The following CPEB3 variants were observed in gnomAD, a reference collection of about 807,000 sequenced individuals.
The protein encoded by CPEB3 is cytoplasmic polyadenylation element-binding protein 3.
A neutral mutation model predicts 67.2 loss-of-function variants in CPEB3; 20 were observed. The observed-to-expected ratio is 0.30, with a 90% CI of 0.21 to 0.43. The LOEUF is 0.43. Ranked by LOEUF, CPEB3 falls within the 20% of genes least tolerant of loss-of-function variation. The pLI is 1.00. For synonymous variants in CPEB3, 376 were observed against 393.1 expected (o/e 0.96, Z 0.51); for missense variants, 746 against 968.6 (o/e 0.77, Z 3.05).
At chr10:92,059,061 T>C (rs1470223224) in intron 9 of CPEB3, among the ~76,000 whole-genome samples, 1 of 152,116 alleles carries the variant, frequency 6.6e-6, no homozygotes, top group African/African-American at 2.4e-5. Context: ...GCACAGTGGC[T>C]CATGCCTGTA....
At chr10:92,171,106 A>T (rs925120102) in intron 4 of CPEB3, among the ~76,000 whole-genome samples, 1 of 152,226 alleles carries the variant, frequency 6.6e-6, no homozygotes, top group African/African-American at 2.4e-5. Flanking sequence ...CTCTCTATCA[A>T]CAAGGCTCCT....
At chr10:92,267,406 G>T (rs1455951702) in intron 1 of CPEB3, among the ~76,000 whole-genome samples, 1 of 152,178 alleles carries the variant, frequency 6.6e-6, no homozygotes. Context: ...TGGAGCTAGA[G>T]GGTAAGTGGA....
intron 9 of CPEB3, among the ~76,000 whole-genome samples, chr10:92,063,768 A>G (rs1842448450): frequency 6.6e-6 from 1 of 151,988 alleles, no homozygotes. Flanking sequence ...GTATCCAAAA[A>G]AAAAAAAATC....
intron 2 of CPEB3, among the ~76,000 whole-genome samples, chr10:92,218,543 T>C (rs2134420419): frequency 6.6e-6 from 1 of 152,346 alleles, no homozygotes; most frequent in South Asian, 2.1e-4. Flanking sequence ...TGCATGGATA[T>C]ATGTGCATAT....
At chr10:92,175,290 T>C (rs1021266933) in intron 4 of CPEB3, among the ~76,000 whole-genome samples, 2 of 151,598 alleles carry the variant, frequency 1.3e-5, no homozygotes, top group Admixed American at 1.3e-4. Context: ...ATTTTGACAG[T>C]CATTTATGTT....
chr10:92,229,244 A>G (rs1851144716), intron 2 of CPEB3, among the ~76,000 whole-genome samples: 1 of 151,858 alleles, frequency 6.6e-6, no homozygotes, highest in African/African-American at 2.4e-5. Context: ...ATGTTGCCCA[A>G]GCTGGTTTCG....
At chr10:92,289,732 A>AAAAAAAATAT in intron 1 of CPEB3, among the ~76,000 whole-genome samples, 28 of 75,754 alleles carry the variant, frequency 3.7e-4, no homozygotes, top group Non-Finnish European at 5.6e-4. Flanking sequence ...AAAAAAAAAA[A>AAAAAAAATAT]ATATATATAT....
chr10:92,058,985 C>T (rs995319450), intron 9 of CPEB3, among the ~76,000 whole-genome samples: 11 of 152,210 alleles, frequency 7.2e-5, no homozygotes, highest in Admixed American at 2.6e-4. Flanking sequence ...TCTGTAACCA[C>T]AATGGAATAA....
intron 2 of CPEB3, among the ~76,000 whole-genome samples, chr10:92,203,492 G>A (rs762949151): frequency 7.7e-5 from 11 of 143,454 alleles, no homozygotes; most frequent in Non-Finnish European, 1.5e-4. Context: ...GTGTATATGT[G>A]TATATATATG....
chr10:92,215,811 C>T (rs1453656246), intron 2 of CPEB3, among the ~76,000 whole-genome samples: 1 of 137,076 alleles, frequency 7.3e-6, no homozygotes, highest in African/African-American at 2.7e-5. Flanking sequence ...TGCAGTGGCA[C>T]GATCTCGGCT....
chr10:92,079,145 C>T (rs1025926189), intron 9 of CPEB3, among the ~76,000 whole-genome samples: 3 of 152,058 alleles, frequency 2.0e-5, no homozygotes, highest in Non-Finnish European at 2.9e-5. Flanking sequence ...GTGATGGTTG[C>T]GATAGAGGTC....
At chr10:92,221,694 G>GTA (rs1850707541) in intron 2 of CPEB3, among the ~76,000 whole-genome samples, 1 of 152,094 alleles carries the variant, frequency 6.6e-6, no homozygotes, top group African/African-American at 2.4e-5. Flanking sequence ...CTCATTAATG[G>GTA]GGTTAGAGCT....
chr10:92,276,277 CTTTTT>C (rs769749643), intron 1 of CPEB3, among the ~76,000 whole-genome samples: 2 of 108,252 alleles, frequency 1.8e-5, no homozygotes, highest in Admixed American at 1.0e-4. Flanking sequence ...TTTTTCTTTT[CTTTTT>C]TTTTTTTTTT....
At chr10:92,203,441 TGTATATATATAC>T (rs1849621667) in intron 2 of CPEB3, among the ~76,000 whole-genome samples, 1 of 138,420 alleles carries the variant, frequency 7.2e-6, no homozygotes, top group South Asian at 2.1e-4. Context: ...TATATGTATA[TGTATATATATAC>T]GTATATATGT....
chr10:92,218,633 C>G (rs1269934218), intron 2 of CPEB3, among the ~76,000 whole-genome samples: 1 of 152,146 alleles, frequency 6.6e-6, no homozygotes, highest in Non-Finnish European at 1.5e-5. Context: ...ATCCTGTTCT[C>G]CAGCCTACCC....
chr10:92,073,038 C>CTTTTTTTTTT (rs546510647), intron 9 of CPEB3, among the ~76,000 whole-genome samples: 1 of 61,234 alleles, frequency 1.6e-5, no homozygotes, highest in Non-Finnish European at 2.9e-5. Context: ...GAATCTCTGT[C>CTTTTTTTTTT]TTTTTTTTTT....
chr10:92,118,036 C>T (rs1400392471), intron 6 of CPEB3, among the ~76,000 whole-genome samples: 5 of 152,162 alleles, frequency 3.3e-5, no homozygotes, highest in African/African-American at 1.2e-4. Context: ...TTTATACTAC[C>T]TCATCTAAAA....
intron 2 of CPEB3, among the ~76,000 whole-genome samples, chr10:92,193,789 ATTTCTTTTTTTTT>A (rs948010432): frequency 2.0e-5 from 3 of 150,900 alleles, no homozygotes; most frequent in Non-Finnish European, 4.4e-5. Flanking sequence ...TATCTTTAAC[ATTTCTTTTTTTTT>A]TTTCTTTTTT....
At chr10:92,132,495 T>A (rs1250453592) in intron 6 of CPEB3, among the ~76,000 whole-genome samples, 2 of 152,150 alleles carry the variant, frequency 1.3e-5, no homozygotes, top group Non-Finnish European at 2.9e-5. Context: ...AGGCATGTCA[T>A]AAATATTCAG....
Sources: gnomAD v4.1 joint callset for allele counts (sites outside exome capture counted in the v4.1 genomes callset) on GRCh38, gnomAD v4.1.1 for gene constraint, MANE v1.5 for transcripts, NCBI Gene and HGNC (gene_info 2026-07-23, HGNC 2026-07-21) for gene names.